The following COL26A1 variants were observed in gnomAD, a reference collection of about 807,000 sequenced individuals.
COL26A1 encodes collagen type XXVI alpha 1 chain, also known as collagen alpha-1(XXVI) chain.
COL26A1 carries 41 observed loss-of-function variants against 59.3 expected under a neutral mutation model. The ratio of observed to expected loss-of-function variants is 0.69; its 90% CI spans 0.54 to 0.90. COL26A1 has a LOEUF of 0.90. Among genes scored for constraint, COL26A1 ranks in the 40% least tolerant of loss-of-function variants. The pLI is 0.00. For missense variants in COL26A1, 612 were observed against 602.3 expected (o/e 1.02, Z -0.17); for synonymous variants, 266 against 256.0 (o/e 1.04, Z -0.37).
chr7:101,427,404 G>A (rs1792674394), intron 2 of COL26A1, among the ~76,000 whole-genome samples: 1 of 151,872 alleles, frequency 6.6e-6, no homozygotes, highest in Non-Finnish European at 1.5e-5. Context: ...GCTCATGCCT[G>A]TAATCCCAGC....
intron 1 of COL26A1, among the ~76,000 whole-genome samples, chr7:101,418,476 A>C (rs569460558): frequency 1.3e-5 from 2 of 150,898 alleles, no homozygotes; most frequent in African/African-American, 2.4e-5. Flanking sequence ...ATTTTATTTT[A>C]TTATTATTTT....
At chr7:101,481,404 A>G (rs965024898) in intron 3 of COL26A1, among the ~76,000 whole-genome samples, 1 of 147,512 alleles carries the variant, frequency 6.8e-6, no homozygotes, top group Non-Finnish European at 1.5e-5. Context: ...CTATGCATTT[A>G]TCACAATTAT....
At chr7:101,552,311 A>C (rs1326377301) in intron 10 of COL26A1, among the ~76,000 whole-genome samples, 1 of 152,210 alleles carries the variant, frequency 6.6e-6, no homozygotes, top group African/African-American at 2.4e-5. Flanking sequence ...CTGGACATTT[A>C]CATGTTACTG....
intron 3 of COL26A1, among the ~76,000 whole-genome samples, chr7:101,464,944 C>T (rs774237768): frequency 1.2e-3 from 176 of 150,698 alleles, no homozygotes; most frequent in Admixed American, 4.4e-3. Context: ...ACTTCTGGCT[C>T]CAAGTGATCC....
chr7:101,391,854 CTTTCT>C (rs139380820), intron 1 of COL26A1, among the ~76,000 whole-genome samples: 5,949 of 149,302 alleles, frequency 0.04, 164 homozygotes, highest in African/African-American at 0.073. Context: ...CATGCCAAGC[CTTTCT>C]TTTCTTTTCT....
At chr7:101,468,273 G>T (rs1217823034) in intron 3 of COL26A1, among the ~76,000 whole-genome samples, 1 of 151,360 alleles carries the variant, frequency 6.6e-6, no homozygotes, top group Non-Finnish European at 1.5e-5. Context: ...CTGCACTCCA[G>T]CCTGGGCAAC....
At chr7:101,458,004 C>T (rs1793519672) in intron 3 of COL26A1, among the ~76,000 whole-genome samples, 1 of 150,502 alleles carries the variant, frequency 6.6e-6, no homozygotes, top group African/African-American at 2.4e-5. Flanking sequence ...TCAAGCGATT[C>T]TCCTGCCTCA....
At chr7:101,535,590 G>C (rs371215918) in intron 4 of COL26A1, among the ~76,000 whole-genome samples, 1 of 152,288 alleles carries the variant, frequency 6.6e-6, no homozygotes, top group South Asian at 2.1e-4. Context: ...AGCAGGCCCG[G>C]GGCAGAGCTT....
intron 3 of COL26A1, among the ~76,000 whole-genome samples, chr7:101,514,147 C>T (rs1040599555): frequency 5.9e-5 from 9 of 151,880 alleles, no homozygotes; most frequent in African/African-American, 1.5e-4. Context: ...ACCAGCCTGG[C>T]CAATATGGTG....
At chr7:101,518,299 G>A (rs1345466890) in intron 3 of COL26A1, among the ~76,000 whole-genome samples, 5 of 152,174 alleles carry the variant, frequency 3.3e-5, no homozygotes, top group Non-Finnish European at 5.9e-5. Flanking sequence ...AAGGCTGTGG[G>A]TGCCCCTCAG....
chr7:101,507,370 C>T (rs1269901700), intron 3 of COL26A1, among the ~76,000 whole-genome samples: 1 of 152,194 alleles, frequency 6.6e-6, no homozygotes, highest in Non-Finnish European at 1.5e-5. Flanking sequence ...TCTGTCTCTA[C>T]AGCCCTCTCT....
chr7:101,384,331 G>A (rs1233707434), intron 1 of COL26A1, among the ~76,000 whole-genome samples: 1 of 150,994 alleles, frequency 6.6e-6, no homozygotes, highest in Non-Finnish European at 1.5e-5. Flanking sequence ...CCGCCTCCGG[G>A]GTTCAAACCA....
At chr7:101,498,354 T>C (rs1335330368) in intron 3 of COL26A1, among the ~76,000 whole-genome samples, 5 of 152,180 alleles carry the variant, frequency 3.3e-5, no homozygotes, top group Non-Finnish European at 5.9e-5. Context: ...AGGCTGCCCC[T>C]AGTGCTCAGT....
intron 4 of COL26A1, 36 bp from the exon 5 acceptor site, chr7:101,539,857 C>T (rs2130653824): frequency 1.3e-6 from 2 of 1,593,340 alleles, no homozygotes; most frequent in Non-Finnish European, 8.5e-7. Context: ...GTGTCAGGCC[C>T]AACTGGGACC....
At chr7:101,376,472 C>T (rs1369826378) in intron 1 of COL26A1, among the ~76,000 whole-genome samples, 1 of 152,070 alleles carries the variant, frequency 6.6e-6, no homozygotes, top group Non-Finnish European at 1.5e-5. Context: ...CTAGAGGAGT[C>T]TCCATTCAAA....
chr7:101,387,354 T>C (rs1171056487), intron 1 of COL26A1, among the ~76,000 whole-genome samples: 2 of 148,474 alleles, frequency 1.3e-5, no homozygotes, highest in East Asian at 2.0e-4. Context: ...GATGTTTAGG[T>C]GAAAGAAACC....
At chr7:101,533,780 G>C (rs1795419817) in intron 4 of COL26A1, among the ~76,000 whole-genome samples, 1 of 149,564 alleles carries the variant, frequency 6.7e-6, no homozygotes. Flanking sequence ...TTTTGAGAAC[G>C]TTTCAGGGGC....
intron 6 of COL26A1, among the ~76,000 whole-genome samples, chr7:101,544,427 A>G (rs1247663400): frequency 6.6e-6 from 1 of 150,688 alleles, no homozygotes; most frequent in African/African-American, 2.4e-5. Context: ...GGATTTCACC[A>G]TGTTGGTCAG....
chr7:101,377,960 C>T (rs890272658), intron 1 of COL26A1, among the ~76,000 whole-genome samples: 4 of 152,130 alleles, frequency 2.6e-5, no homozygotes, highest in Admixed American at 2.6e-4. Context: ...GGCTAGAGAG[C>T]GGTGGCACAA....
Sources: gnomAD v4.1 joint callset for allele counts (sites outside exome capture counted in the v4.1 genomes callset) on GRCh38, gnomAD v4.1.1 for gene constraint, MANE v1.5 for transcripts, NCBI Gene and HGNC (gene_info 2026-07-23, HGNC 2026-07-21) for gene names.